Variants in HDX observed in about 807,000 individuals in gnomAD.
The protein encoded by HDX is highly divergent homeobox.
HDX carries 19 observed loss-of-function variants against 45.2 expected under a neutral mutation model. That is an observed-to-expected ratio of 0.42 (90% confidence interval 0.29 to 0.62). The LOEUF is 0.62. Ranked by LOEUF, HDX falls within the 20% of genes least tolerant of loss-of-function variation. The pLI, the probability that HDX is intolerant of heterozygous loss-of-function variation, is 0.20. For synonymous variants in HDX, 188 were observed against 172.8 expected (o/e 1.09, Z -0.69); for missense variants, 532 against 493.9 (o/e 1.08, Z -0.73).
intron 5 of HDX, among the ~76,000 whole-genome samples, chrX:84,430,098 T>C (rs1172834419): frequency 2.7e-5 from 3 of 110,666 alleles, no homozygotes; most frequent in Non-Finnish European, 5.7e-5. Context: ...CCTACAGTGG[T>C]ATAGAACACT....
At chrX:84,432,615 G>A (rs1870255458) in intron 5 of HDX, among the ~76,000 whole-genome samples, 2 of 110,778 alleles carry the variant, frequency 1.8e-5, no homozygotes, top group South Asian at 7.6e-4. Context: ...TCCTGATTTG[G>A]CTCTCAGCTT....
intron 2 of HDX, among the ~76,000 whole-genome samples, chrX:84,480,216 T>G (rs2040648263): frequency 8.9e-6 from 1 of 111,846 alleles, no homozygotes; most frequent in Non-Finnish European, 1.9e-5. Context: ...TTCTGCAACT[T>G]TACTAAACCA....
chrX:84,420,739 C>T (rs148364124), intron 5 of HDX, among the ~76,000 whole-genome samples: 9 of 110,225 alleles, frequency 8.2e-5, no homozygotes, highest in Non-Finnish European at 1.5e-4. Context: ...ACTCTAAGAG[C>T]GGCAAGAGAA....
chrX:84,473,326 A>T (rs1393145732), intron 3 of HDX, among the ~76,000 whole-genome samples: 3 of 78,792 alleles, frequency 3.8e-5, no homozygotes, highest in African/African-American at 1.5e-4. Flanking sequence ...CAAGTAGAAC[A>T]TATAACTCTA....
intron 5 of HDX, among the ~76,000 whole-genome samples, chrX:84,423,951 T>C (rs1053078352): frequency 2.7e-5 from 3 of 111,282 alleles, no homozygotes; most frequent in Non-Finnish European, 5.7e-5. Flanking sequence ...TTCAACATAG[T>C]CCTGGAAGTC....
intron 9 of HDX, among the ~76,000 whole-genome samples, chrX:84,329,758 G>A (rs149494457): frequency 0.017 from 1,854 of 111,726 alleles, 42 homozygotes; most frequent in African/African-American, 0.057. Context: ...CTGTCTAACT[G>A]ACACTTTGTA....
intron 5 of HDX, among the ~76,000 whole-genome samples, chrX:84,429,432 A>C (rs756939509): frequency 1.8e-5 from 2 of 110,665 alleles, no homozygotes; most frequent in Non-Finnish European, 3.8e-5. Flanking sequence ...TTCATATTTT[A>C]CGTTATTTTC....
At chrX:84,399,245 C>G (rs1370918496) in intron 5 of HDX, among the ~76,000 whole-genome samples, 1 of 105,752 alleles carries the variant, frequency 9.5e-6, no homozygotes, top group East Asian at 2.9e-4. Context: ...GATAGAGACA[C>G]AAACCCCCCC....
intron 9 of HDX, among the ~76,000 whole-genome samples, chrX:84,327,768 G>A (rs1219463764): frequency 9.1e-6 from 1 of 110,236 alleles, no homozygotes; most frequent in East Asian, 2.9e-4. Context: ...AAAAATTATG[G>A]AACTTTAAAA....
At position 84,321,873 on chromosome X, in the gene HDX, T is replaced by C; in HGVS notation, c.*16A>G. On this transcript the variant is annotated 3_prime_UTR_variant, in exon 11 of 11. Coordinates refer to ENST00000373177, the MANE Select transcript of HDX (RefSeq NM_001177479.2). Reference sequence around the variant, plus strand: ...CGAAGCCAAAAGACTGTATCATATATTCCCTCCAACTGAAATCACAAACTT... The same window carrying C: ...CGAAGCCAAAAGACTGTATCATATACTCCCTCCAACTGAAATCACAAACTT... The C allele has an allele frequency of 8.4e-7, 1 of 1,183,819 alleles. No homozygotes were observed.
Position 84,329,582 on chromosome X carries a change from G to A in HDX, c.1825-3282C>T, listed in dbSNP as rs752231874. Among the ~76,000 whole-genome samples the A allele has an allele frequency of 2.7e-5, 3 of 111,887 alleles. No individual in the cohort carries two copies. In the East Asian group the frequency reaches 8.5e-4, roughly 32 times the overall value. ...GAAGGCGTTCAAGACTTCATTAGCA[G>A]GTGAATAAACAAATTATGGTGGTGT... On this transcript the variant is annotated intron_variant, in intron 9 of 10. Transcript: ENST00000373177.
chrX:84,436,418 CTT>C (rs1389026943), intron 5 of HDX, among the ~76,000 whole-genome samples: 5 of 110,979 alleles, frequency 4.5e-5, no homozygotes, highest in African/African-American at 1.6e-4. Flanking sequence ...TGCATTTTAA[CTT>C]GATTATTTGA....
intron 9 of HDX, among the ~76,000 whole-genome samples, chrX:84,328,357 G>A (rs913244033): frequency 9.0e-6 from 1 of 110,612 alleles, no homozygotes; most frequent in African/African-American, 3.3e-5. Flanking sequence ...GGGTGACAGT[G>A]AGACCCTATG....
chrX:84,429,978 T>C (rs1431868028), intron 5 of HDX, among the ~76,000 whole-genome samples: 1 of 110,872 alleles, frequency 9.0e-6, no homozygotes, highest in East Asian at 2.8e-4. Flanking sequence ...CAGATCAGTG[T>C]TATTATCATA....
intron 5 of HDX, among the ~76,000 whole-genome samples, chrX:84,435,138 T>A (rs1041890101): frequency 9.0e-6 from 1 of 111,412 alleles, no homozygotes; most frequent in Non-Finnish European, 1.9e-5. Flanking sequence ...ATTTTATATA[T>A]TTTTTAGTTT....
intron 6 of HDX, among the ~76,000 whole-genome samples, chrX:84,355,114 A>G (rs2037451025): frequency 9.2e-6 from 1 of 108,197 alleles, no homozygotes; most frequent in Admixed American, 1.0e-4. Context: ...TTCCATTTCA[A>G]GGCATTTCAA....
intron 5 of HDX, among the ~76,000 whole-genome samples, chrX:84,369,687 C>T (rs1247861052): frequency 8.9e-6 from 1 of 112,009 alleles, no homozygotes; most frequent in East Asian, 2.8e-4. Context: ...TTGCATTTCC[C>T]TGTTGATTAG....
chrX:84,333,214 AATAAT>A (rs1307087523), intron 9 of HDX, among the ~76,000 whole-genome samples: 19 of 111,263 alleles, frequency 1.7e-4, no homozygotes, highest in Non-Finnish European at 3.4e-4. Flanking sequence ...TATTTAATAA[AATAAT>A]ATGTATAGCA....
intron 3 of HDX, 122 bp downstream of exon 3, chrX:84,475,129 C>G: frequency 1.9e-6 from 1 of 517,129 alleles, no homozygotes; most frequent in Non-Finnish European, 3.2e-6. Flanking sequence ...TATTGTTATA[C>G]CAGGGAAGTG....
Sources: gnomAD v4.1 joint callset for allele counts (sites outside exome capture counted in the v4.1 genomes callset) on GRCh38, gnomAD v4.1.1 for gene constraint, MANE v1.5 for transcripts, NCBI Gene and HGNC (gene_info 2026-07-23, HGNC 2026-07-21) for gene names.